The following NKAIN1 variants were observed in gnomAD, a reference collection of about 807,000 sequenced individuals.
The protein encoded by NKAIN1 is sodium/potassium transporting ATPase interacting 1, also known as sodium/potassium-transporting ATPase subunit beta-1-interacting protein 1.
In NKAIN1, 13 loss-of-function variants were observed where a neutral mutation model predicts 31.6. The observed-to-expected ratio is 0.41, with a 90% CI of 0.27 to 0.65. The LOEUF is 0.65. Among genes scored for constraint, NKAIN1 ranks in the 30% least tolerant of loss-of-function variants. The pLI is 0.30. For synonymous variants in NKAIN1, 104 were observed against 109.0 expected (o/e 0.95, Z 0.28); for missense variants, 193 against 262.2 (o/e 0.74, Z 1.82).
chr1:31,231,618 C>T (rs1326148190), intron 1 of NKAIN1, among the ~76,000 whole-genome samples: 3 of 152,170 alleles, frequency 2.0e-5, no homozygotes, highest in African/African-American at 2.4e-5. Flanking sequence ...GCAAGCTCCG[C>T]CTCCTGGGTT....
At chr1:31,218,016 T>TTTTCTTTTCTTTC (rs1645526555) in intron 1 of NKAIN1, among the ~76,000 whole-genome samples, 2 of 108,212 alleles carry the variant, frequency 1.8e-5, no homozygotes, top group African/African-American at 3.7e-5. Context: ...GCAGCTACCA[T>TTTTCTTTTCTTTC]TTTCTTTCTT....
intron 1 of NKAIN1, among the ~76,000 whole-genome samples, chr1:31,229,222 C>A (rs1028439004): frequency 2.6e-5 from 4 of 152,180 alleles, no homozygotes; most frequent in Admixed American, 6.5e-5. Context: ...GTAGAGTTAG[C>A]TAGAGGCAAT....
At chr1:31,194,389 T>G (rs1324120640) in intron 1 of NKAIN1, among the ~76,000 whole-genome samples, 1 of 151,666 alleles carries the variant, frequency 6.6e-6, no homozygotes, top group Non-Finnish European at 1.5e-5. Flanking sequence ...TTTCTTTCCT[T>G]TTTTTTCTTT....
rs1264463047 is a variant in NKAIN1 at position 31,239,733 on chromosome 1, C to T, written c.-186G>A. Among the ~76,000 whole-genome samples the T allele has an allele frequency of 2.6e-5, 4 of 150,976 alleles. No homozygotes were observed. The East Asian group carries it at 7.7e-4, about 29-fold the overall frequency. On this transcript the variant is annotated 5_prime_UTR_variant, in exon 1 of 7. Transcript: ENST00000373736. The surrounding 1 kb of genome is among the most constrained non-coding windows in gnomAD (Gnocchi z 4.8). ...GGGGCCGGCCGCCCGCGCTCCGAGT[C>T]CATGGTCCGTCCGTCCGCGCGCTGG...
intron 4 of NKAIN1, among the ~76,000 whole-genome samples, chr1:31,183,461 TTTTTTTTA>T: frequency 1.0e-5 from 1 of 98,952 alleles, no homozygotes; most frequent in Admixed American, 1.1e-4. Flanking sequence ...TTTTTTTTTT[TTTTTTTTA>T]TGGAGTTTCG....
chr1:31,193,259 G>A (rs1183534823), intron 1 of NKAIN1, among the ~76,000 whole-genome samples: 1 of 150,626 alleles, frequency 6.6e-6, no homozygotes, highest in Non-Finnish European at 1.5e-5. Flanking sequence ...TAGTAGAGAC[G>A]GGTTTTCACC....
intron 1 of NKAIN1, among the ~76,000 whole-genome samples, chr1:31,225,876 C>T (rs1410531891): frequency 1.3e-5 from 2 of 152,168 alleles, no homozygotes; most frequent in African/African-American, 2.4e-5. Flanking sequence ...ACTCACATTT[C>T]GGTGACTGCC....
At chr1:31,196,417 A>T (rs1557652607) in intron 1 of NKAIN1, among the ~76,000 whole-genome samples, 1 of 151,310 alleles carries the variant, frequency 6.6e-6, no homozygotes, top group Non-Finnish European at 1.5e-5. Context: ...GGAGGCTGAG[A>T]CAGGAGAATG....
At chr1:31,194,528 TC>T (rs577331380) in intron 1 of NKAIN1, among the ~76,000 whole-genome samples, 28 of 147,206 alleles carry the variant, frequency 1.9e-4, no homozygotes, top group African/African-American at 6.7e-4. Flanking sequence ...TGCCTCAGCC[TC>T]CCGAGTAGCT....
chr1:31,193,131 T>G (rs1307267716), intron 1 of NKAIN1, among the ~76,000 whole-genome samples: 1 of 151,638 alleles, frequency 6.6e-6, no homozygotes, highest in African/African-American at 2.4e-5. Flanking sequence ...TGCAGTGGCG[T>G]GATCTCGGCT....
intron 1 of NKAIN1, among the ~76,000 whole-genome samples, chr1:31,236,611 A>G (rs1459043138): frequency 6.6e-6 from 1 of 152,190 alleles, no homozygotes; most frequent in African/African-American, 2.4e-5. Flanking sequence ...ATAGTGCAAC[A>G]GAGCCAAGAG....
In NKAIN1 at chr1:31,185,462, G is replaced by C. The variant is rs375212830; in HGVS notation, c.193-135C>G. ...GAATACCTCACTCAGAGAGCACAGT[G>C]TAGCTTACAAATCATTTACACACCC... On this transcript the variant is annotated intron_variant, in intron 2 of 6. Coordinates refer to ENST00000373736, the MANE Select transcript of NKAIN1 (RefSeq NM_024522.3). 11 of 699,342 alleles carry C rather than the reference G, an allele frequency of 1.6e-5. No individual in the cohort carries two copies. In the East Asian group the frequency reaches 1.9e-4, roughly 12 times the overall value. 43.3% of individuals were successfully genotyped at this position (699,342 alleles called of 1,614,324 possible). A position where few individuals can be genotyped will look rare whatever the true frequency, so the allele number is the denominator to read the frequency against.
intron 1 of NKAIN1, among the ~76,000 whole-genome samples, chr1:31,202,086 C>A (rs1645384511): frequency 1.3e-5 from 2 of 152,178 alleles, no homozygotes; most frequent in African/African-American, 4.8e-5. Flanking sequence ...GCCCAGGATG[C>A]GACTGATTGG....
intron 1 of NKAIN1, among the ~76,000 whole-genome samples, chr1:31,229,889 A>G (rs933924692): frequency 1.3e-5 from 2 of 152,154 alleles, no homozygotes; most frequent in East Asian, 3.8e-4. Flanking sequence ...CCCCATACAG[A>G]GCAAGAGAGA....
intron 1 of NKAIN1, among the ~76,000 whole-genome samples, chr1:31,200,506 G>A (rs965572774): frequency 7.2e-6 from 1 of 138,176 alleles, no homozygotes; most frequent in African/African-American, 2.7e-5. Context: ...TGTTCATGCT[G>A]GAGTGCAGTG....
chr1:31,232,526 C>T (rs1475288628), intron 1 of NKAIN1, among the ~76,000 whole-genome samples: 1 of 144,484 alleles, frequency 6.9e-6, no homozygotes, highest in Non-Finnish European at 1.5e-5. Flanking sequence ...TGGGCTCAAG[C>T]GATCCTTCCA....
Position 31,219,076 on chromosome 1 carries a change from A to T in NKAIN1, c.54+20418T>A, listed in dbSNP as rs115526075. Among the ~76,000 whole-genome samples the T allele has an allele frequency of 3.2e-3, 491 of 152,366 alleles. 3 individuals carry two copies. Among genetic ancestry groups the T allele is most frequent in the Middle Eastern group, 6.8e-3 (2 of 294 alleles). On this transcript the variant is annotated intron_variant, in intron 1 of 6. Transcript: ENST00000373736. ...AGGGCAGGAGCACCAATGCGGGTCT[A>T]CCCCTCACATGCCTAAATATCTAAG...
At chr1:31,194,366 C>T (rs948106222) in intron 1 of NKAIN1, among the ~76,000 whole-genome samples, 2 of 144,396 alleles carry the variant, frequency 1.4e-5, no homozygotes, top group Admixed American at 7.0e-5. Context: ...TTTTCTTTCC[C>T]TTCCCTTCCC....
intron 1 of NKAIN1, among the ~76,000 whole-genome samples, chr1:31,221,206 G>A (rs1347597316): frequency 6.6e-6 from 1 of 152,174 alleles, no homozygotes; most frequent in Admixed American, 6.5e-5. Flanking sequence ...ACAACCCAGG[G>A]TGTTTAGGTC....
Sources: allele counts gnomAD v4.1 joint callset (sites outside exome capture counted in the v4.1 genomes callset), GRCh38; gene constraint gnomAD v4.1.1; non-coding constraint Gnocchi (gnomAD v3.1); transcripts MANE v1.5; gene names NCBI Gene and HGNC (gene_info 2026-07-23, HGNC 2026-07-21).